AVEN: variants seen among roughly 807,000 people sequenced by gnomAD.
AVEN encodes cell death regulator Aven.
Under a neutral mutation model 38.1 loss-of-function variants are expected in AVEN, and 41 were observed. The ratio of observed to expected loss-of-function variants is 1.08; its 90% CI spans 0.84 to 1.40. AVEN has a LOEUF of 1.40. Ranked by LOEUF, AVEN falls within the 40% of genes most tolerant of loss-of-function variation. The probability of loss-of-function intolerance (pLI) is 0.00; values close to 1 mark genes in which losing one functional copy is unlikely to be tolerated. For missense variants in AVEN, 605 were observed against 438.8 expected (o/e 1.38, Z -3.38); for synonymous variants, 206 against 171.8 (o/e 1.20, Z -1.56).
intron 2 of AVEN, among the ~76,000 whole-genome samples, chr15:33,989,447 GT>G (rs1279827135): frequency 3.0e-4 from 41 of 136,692 alleles, no homozygotes; most frequent in African/African-American, 1.1e-3. Context: ...TTTGTTTGGA[GT>G]TTAAAAAAAA....
chr15:33,972,202 C>T (rs886708425), intron 2 of AVEN: 2 of 151,844 alleles, frequency 1.3e-5, no homozygotes, highest in African/African-American at 2.4e-5. Flanking sequence ...CATGATAAAA[C>T]GGGAGTAAGG....
chr15:33,962,703 C>G (rs2140474975), intron 2 of AVEN, among the ~76,000 whole-genome samples: 1 of 152,076 alleles, frequency 6.6e-6, no homozygotes, highest in African/African-American at 2.4e-5. Flanking sequence ...CCCCCCTTAT[C>G]TTCTGCATAG....
chr15:33,872,320 G>GTAAGAAAAGAACCC (rs1891003561), intron 3 of AVEN, among the ~76,000 whole-genome samples: 1 of 152,112 alleles, frequency 6.6e-6, no homozygotes, highest in Non-Finnish European at 1.5e-5. Flanking sequence ...TCTGTATAAA[G>GTAAGAAAAGAACCC]GCACACTCTT....
intron 2 of AVEN, among the ~76,000 whole-genome samples, chr15:33,902,231 G>A (rs1291154823): frequency 6.6e-6 from 1 of 152,046 alleles, no homozygotes; most frequent in Non-Finnish European, 1.5e-5. Flanking sequence ...TTTTGTTGAT[G>A]ACATCACCAA....
At chr15:34,041,674 T>A (rs1409822577), upstream of AVEN, among the ~76,000 whole-genome samples, 6 of 152,192 alleles carry the variant, frequency 3.9e-5, no homozygotes, top group Non-Finnish European at 5.9e-5. Flanking sequence ...CAAGTTTTTT[T>A]AACACTTATT....
In AVEN at chr15:33,866,460, CA is replaced by C. The variant is rs1176197905; in HGVS notation, c.*152del. On this transcript the variant is annotated 3_prime_UTR_variant, in exon 6 of 6. Coordinates refer to ENST00000306730, the MANE Select transcript of AVEN (RefSeq NM_020371.3). ...TGCTTCAATGTATTCTTTCAGATGT[CA>C]AACACAGAGGTAGGCATTTACTGCT... 10 of 607,386 alleles carry C rather than the reference CA, an allele frequency of 1.6e-5. No individual in the cohort carries two copies. In the East Asian group the frequency reaches 2.5e-4, roughly 15 times the overall value. 37.6% of individuals were successfully genotyped at this position (607,386 alleles called of 1,614,324 possible). A position where few individuals can be genotyped will look rare whatever the true frequency, so the allele number is the denominator to read the frequency against.
chr15:33,910,329 G>T (rs1399192827), intron 2 of AVEN, among the ~76,000 whole-genome samples: 2 of 152,028 alleles, frequency 1.3e-5, no homozygotes, highest in Non-Finnish European at 2.9e-5. Context: ...TAAGATGTCT[G>T]TTCAGAAATC....
At chr15:34,038,474 G>C (rs2140793050) in intron 1 of AVEN, among the ~76,000 whole-genome samples, 1 of 152,288 alleles carries the variant, frequency 6.6e-6, no homozygotes, top group Non-Finnish European at 1.5e-5. Context: ...GAGACTTGCA[G>C]CCCTGACACA....
At chr15:33,865,163 G>A, downstream of AVEN, 1 of 1,613,724 alleles carries the variant, frequency 6.2e-7, no homozygotes, top group Non-Finnish European at 8.5e-7. Context: ...ACCAAGAAAG[G>A]TGTTGGGATT....
intron 2 of AVEN, among the ~76,000 whole-genome samples, chr15:33,982,420 G>T (rs1468681988): frequency 6.6e-6 from 1 of 151,700 alleles, no homozygotes; most frequent in Admixed American, 6.6e-5. Context: ...AATTAAAAAA[G>T]GAAAAAAATA....
intron 2 of AVEN, among the ~76,000 whole-genome samples, chr15:33,926,339 T>A (rs182676142): frequency 6.6e-6 from 1 of 152,320 alleles, no homozygotes; most frequent in East Asian, 1.9e-4. Flanking sequence ...CTACTAAGCA[T>A]GCTGGAAAGG....
chr15:33,892,323 T>C (rs1415802402), intron 2 of AVEN, among the ~76,000 whole-genome samples: 1 of 152,236 alleles, frequency 6.6e-6, no homozygotes, highest in African/African-American at 2.4e-5. Context: ...CTGAATGGTA[T>C]TGCCTAGGTT....
chr15:33,865,144 G>A (rs1462716613), downstream of AVEN: 2 of 1,612,886 alleles, frequency 1.2e-6, no homozygotes, highest in Non-Finnish European at 1.7e-6. Context: ...TCTTATGTCT[G>A]GAAGATGTAC....
At chr15:33,857,941 GCCCA>G (rs1567344136), downstream of AVEN, 1 of 1,439,808 alleles carries the variant, frequency 6.9e-7, no homozygotes. Context: ...TGCGGGGCCA[GCCCA>G]CCCACTGCGG....
chr15:33,950,784 C>G (rs1597265213), intron 2 of AVEN, among the ~76,000 whole-genome samples: 1 of 152,158 alleles, frequency 6.6e-6, no homozygotes, highest in South Asian at 2.1e-4. Flanking sequence ...GGCAGGAGAA[C>G]AGCTTGAAGC....
chr15:34,058,170 T>A (rs1159814175), intron 5 of AVEN, among the ~76,000 whole-genome samples: 2 of 152,174 alleles, frequency 1.3e-5, no homozygotes, highest in African/African-American at 2.4e-5. Context: ...CACATTATGG[T>A]GGGTAATCTT....
At chr15:34,018,078 C>T (rs1898026284) in intron 1 of AVEN, 1 of 152,144 alleles carries the variant, frequency 6.6e-6, no homozygotes, top group Non-Finnish European at 1.5e-5. Context: ...ATACTTTTTA[C>T]CATTATTTTA....
At chr15:33,873,447 T>C (rs552440627) in intron 3 of AVEN, among the ~76,000 whole-genome samples, 2 of 149,396 alleles carry the variant, frequency 1.3e-5, no homozygotes, top group South Asian at 4.2e-4. Flanking sequence ...CATGGGATGG[T>C]ATAAGGAACA....
chr15:33,853,656 A>G, the AVEN span: 3 of 1,613,944 alleles, frequency 1.9e-6, no homozygotes, highest in South Asian at 3.3e-5. Flanking sequence ...AAGAGACCAA[A>G]GCAGAAGCGG....
Sources: gnomAD v4.1 joint callset for allele counts (sites outside exome capture counted in the v4.1 genomes callset) on GRCh38, gnomAD v4.1.1 for gene constraint, MANE v1.5 for transcripts, NCBI Gene and HGNC (gene_info 2026-07-23, HGNC 2026-07-21) for gene names.